Variants in CFH observed in about 807,000 individuals in gnomAD.
CFH encodes the protein H factor 1 (complement).
CFH carries 53 observed loss-of-function variants against 147.3 expected under a neutral mutation model. The ratio of observed to expected loss-of-function variants is 0.36; its 90% CI spans 0.29 to 0.45. The LOEUF is 0.45. Among genes scored for constraint, CFH ranks in the 20% least tolerant of loss-of-function variants. The probability of loss-of-function intolerance (pLI) is 1.00; values close to 1 mark genes in which losing one functional copy is unlikely to be tolerated. For synonymous variants in CFH, 536 were observed against 489.4 expected, an observed-to-expected ratio of 1.10 and a Z score of -1.26; for missense variants, 1,380 against 1,498.0, an observed-to-expected ratio of 0.92 and a Z score of 1.30.
intron 15 of CFH, among the ~76,000 whole-genome samples, chr1:196,728,733 G>GCA (rs34018998): frequency 0.023 from 3,317 of 145,092 alleles, 68 homozygotes; most frequent in African/African-American, 0.056. Context: ...ACACACACAC[G>GCA]CACACACACA....
rs537173596 is a variant in CFH, at chr1:196,711,861, C to T, written c.1337-1874C>T. Among the ~76,000 whole-genome samples, 5 of 152,146 alleles carry T rather than the reference C, an allele frequency of 3.3e-5. No individual in the cohort carries two copies. In the East Asian group the frequency reaches 9.7e-4, roughly 29 times the overall value. On this transcript the variant is annotated intron_variant, in intron 9 of 21. Coordinates refer to ENST00000367429, the MANE Select transcript of CFH (RefSeq NM_000186.4). ...TCCATTCTTGGGGAGTTTTGCTCTA[C>T]TCTCCAGAGTGTCAATATTCAGCCA...
intron 1 of CFH, among the ~76,000 whole-genome samples, chr1:196,664,579 A>G (rs1175652683): frequency 6.6e-6 from 1 of 152,228 alleles, no homozygotes; most frequent in Admixed American, 6.5e-5. Context: ...AATTTTATTT[A>G]CAAAACAAGC....
At chr1:196,672,894 C>A in intron 1 of CFH, 84 bp from the exon 2 acceptor site, 1 of 1,113,534 alleles carries the variant, frequency 9.0e-7, no homozygotes, top group Non-Finnish European at 1.3e-6. Context: ...ACTGTCTAGG[C>A]ATTTTTAAAA....
At chr1:196,740,506 T>C in intron 17 of CFH, 113 bp from the exon 18 acceptor site, 1 of 1,024,848 alleles carries the variant, frequency 9.8e-7, no homozygotes. Flanking sequence ...CTCTGTGATG[T>C]CATAGTAGCT....
At chr1:196,706,019 T>C (rs889538138) in intron 9 of CFH, among the ~76,000 whole-genome samples, 1 of 152,040 alleles carries the variant, frequency 6.6e-6, no homozygotes, top group Non-Finnish European at 1.5e-5. Flanking sequence ...CTTAAAAATA[T>C]TCACTGAGGA....
intron 11 of CFH, among the ~76,000 whole-genome samples, chr1:196,721,474 C>T (rs1303221440): frequency 1.3e-5 from 2 of 152,076 alleles, no homozygotes; most frequent in East Asian, 1.9e-4. Flanking sequence ...TGTAGCCTAG[C>T]ATATGGTCTA....
At chr1:196,743,775 T>C (rs1652901449) in intron 20 of CFH, 147 bp downstream of exon 20, 2 of 1,177,222 alleles carry the variant, frequency 1.7e-6, no homozygotes, top group African/African-American at 1.5e-5. Flanking sequence ...ATTCTTCCTG[T>C]GAACAGAACA....
intron 11 of CFH, among the ~76,000 whole-genome samples, chr1:196,717,812 G>A (rs970237861): frequency 6.6e-6 from 1 of 152,100 alleles, no homozygotes; most frequent in Non-Finnish European, 1.5e-5. Context: ...AGCTACTGTG[G>A]AGGTATTGTG....
At chr1:196,689,331 A>G in intron 7 of CFH, 89 bp from the exon 8 acceptor site, 1 of 1,195,470 alleles carries the variant, frequency 8.4e-7, no homozygotes, top group South Asian at 1.4e-5. Context: ...TAAGAAGAGA[A>G]TATAATTCAG....
At chr1:196,690,274 T>C in intron 9 of CFH, 35 bp downstream of exon 9, 2 of 1,610,740 alleles carry the variant, frequency 1.2e-6, no homozygotes, top group Non-Finnish European at 8.5e-7. Flanking sequence ...AGCATGTTCA[T>C]GTCTTTCTAA....
chr1:196,677,704 T>C, intron 5 of CFH, 37 bp downstream of exon 5: 1 of 1,576,392 alleles, frequency 6.3e-7, no homozygotes, highest in Non-Finnish European at 8.7e-7. Flanking sequence ...TTTTAGCTTT[T>C]TAAATGTAAA....
At chr1:196,686,592 T>A (rs1461650177) in intron 7 of CFH, among the ~76,000 whole-genome samples, 1 of 152,110 alleles carries the variant, frequency 6.6e-6, no homozygotes, top group Non-Finnish European at 1.5e-5. Context: ...ATACAAATGA[T>A]TGATTAATGA....
rs1558173294 is a variant in CFH at position 196,714,645 on chromosome 1, A to ATATGTATATATATGTATATATATGTG, written c.1519+731_1519+732insGTATATATATGTATATATATGTGTAT. On this transcript the variant is annotated intron_variant, in intron 10 of 21. Coordinates refer to ENST00000367429, the MANE Select transcript of CFH (RefSeq NM_000186.4). ...TGTATACGTATATATGTATATATAT[A>ATATGTATATATATGTATATATATGTG]TATATATATATATATATATATATAG... 6.5e-4 allele frequency among the ~76,000 whole-genome samples: 23 copies of ATATGTATATATATGTATATATATGTG among 35,406 alleles called. 1 individual carries two copies. The highest frequency in any genetic ancestry group is 3.4e-3 in the African/African-American group (22 of 6,468). 23.2% of individuals were successfully genotyped at this position (35,406 alleles called of 152,430 possible).
At chr1:196,681,319 T>C (rs1449023194) in intron 6 of CFH, among the ~76,000 whole-genome samples, 1 of 151,766 alleles carries the variant, frequency 6.6e-6, no homozygotes, top group African/African-American at 2.4e-5. Flanking sequence ...ATTGTAGTCA[T>C]CTGATTTTTT....
At chr1:196,741,092 CT>C (rs1436169358) in intron 18 of CFH, 7 of 370,614 alleles carry the variant, frequency 1.9e-5, no homozygotes, top group Admixed American at 4.0e-5. Context: ...ATTATTCAAT[CT>C]TCTGTCAGTT....
intron 21 of CFH, among the ~76,000 whole-genome samples, 170 bp downstream of exon 21, chr1:196,746,169 G>T (rs1652997496): frequency 6.6e-6 from 1 of 152,166 alleles, no homozygotes. Flanking sequence ...TTTAGGGCTG[G>T]GTGCGGTGGC....
rs767182927 is a variant in CFH at position 196,690,222 on chromosome 1, C to T, written c.1319C>T (p.Pro440Leu). 1.9e-6 allele frequency: 3 copies of T among 1,613,168 alleles called. No individual in the cohort carries two copies. The highest frequency in any genetic ancestry group is 2.5e-6 in the Non-Finnish European group (3 of 1,179,568). ...ATGGAGAATGGCTGGTCTCCTACTC[C>T]CAGATGCATCCGTGTCAGTAAGTAC... Reference protein sequence around the residue: ...TCMENGWSPTPRCIRVKTCSK... With the variant: ...TCMENGWSPTLRCIRVKTCSK... Residue 440 changes from proline (P) to leucine (L), a missense_variant, in exon 9 of 22, where the codon CCC becomes CTC. Transcript: ENST00000367429.
At chr1:196,715,524 G>T (rs938553070) in intron 10 of CFH, 69 bp from the exon 11 acceptor site, 3 of 1,261,008 alleles carry the variant, frequency 2.4e-6, no homozygotes, top group African/African-American at 3.0e-5. Flanking sequence ...TTTCTTCTTA[G>T]AATGGGAAAT....
chr1:196,746,081 G>T (rs1652993482), intron 21 of CFH, 82 bp downstream of exon 21: 2 of 1,605,346 alleles, frequency 1.2e-6, no homozygotes, highest in South Asian at 1.1e-5. Context: ...AATACTCACA[G>T]ATTATTGAAC....
Sources: gnomAD v4.1 joint callset for allele counts (sites outside exome capture counted in the v4.1 genomes callset) on GRCh38, gnomAD v4.1.1 for gene constraint, MANE v1.5 for transcripts, NCBI Gene and HGNC (gene_info 2026-07-23, HGNC 2026-07-21) for gene names.